PLA2R1: variants seen among roughly 807,000 people sequenced by gnomAD.
PLA2R1 encodes secretory phospholipase A2 receptor.
In PLA2R1, 158 loss-of-function variants were observed where a neutral mutation model predicts 195.9. That is an observed-to-expected ratio of 0.81 (90% confidence interval 0.71 to 0.92). PLA2R1 has a LOEUF of 0.92. Among genes scored for constraint, PLA2R1 ranks in the 40% least tolerant of loss-of-function variants. The pLI is 0.00. For missense variants in PLA2R1, 1,626 were observed against 1,764.6 expected, an observed-to-expected ratio of 0.92 and a Z score of 1.41; for synonymous variants, 586 against 598.2, an observed-to-expected ratio of 0.98 and a Z score of 0.30.
At chr2:160,032,738 T>C (rs569566463) in intron 4 of PLA2R1, among the ~76,000 whole-genome samples, 2 of 152,302 alleles carry the variant, frequency 1.3e-5, no homozygotes, top group East Asian at 3.9e-4. Context: ...GGCCTCAAAT[T>C]CTCTTCTCCA....
chr2:159,971,470 G>GCA (rs1370729561), intron 17 of PLA2R1, among the ~76,000 whole-genome samples: 10 of 127,806 alleles, frequency 7.8e-5, no homozygotes, highest in Non-Finnish European at 1.7e-4. Context: ...ACACGTGTGT[G>GCA]CGCGCACACA....
intron 7 of PLA2R1, among the ~76,000 whole-genome samples, chr2:160,021,853 T>A (rs17830558): frequency 6.6e-6 from 1 of 151,972 alleles, no homozygotes. Context: ...TGAAATGGAG[T>A]TGCTGCAAAA....
intron 17 of PLA2R1, among the ~76,000 whole-genome samples, chr2:159,973,334 C>A (rs1689313276): frequency 6.6e-6 from 1 of 152,022 alleles, no homozygotes; most frequent in African/African-American, 2.4e-5. Flanking sequence ...TTTCTTCTTT[C>A]TAATTTGATA....
intron 1 of PLA2R1, among the ~76,000 whole-genome samples, chr2:160,061,664 A>G (rs1695959378): frequency 1.3e-5 from 2 of 151,890 alleles, no homozygotes; most frequent in South Asian, 4.1e-4. Flanking sequence ...GGTCCCAGCT[A>G]CTCGGGAGGC....
chr2:159,953,550 T>A (rs912738004), intron 23 of PLA2R1, among the ~76,000 whole-genome samples: 5 of 152,240 alleles, frequency 3.3e-5, no homozygotes, highest in African/African-American at 1.2e-4. Context: ...TATTACCACA[T>A]TTTGCAGATG....
At chr2:159,962,326 A>G (rs986275269) in intron 20 of PLA2R1, among the ~76,000 whole-genome samples, 1 of 152,258 alleles carries the variant, frequency 6.6e-6, no homozygotes. Context: ...AATCAAACCC[A>G]CAATGAGATA....
intron 3 of PLA2R1, among the ~76,000 whole-genome samples, chr2:160,033,719 G>C (rs1271634081): frequency 6.6e-6 from 1 of 152,200 alleles, no homozygotes; most frequent in Non-Finnish European, 1.5e-5. Flanking sequence ...ATTGCATAGT[G>C]TGCTCAAAAG....
At chr2:160,007,197 T>C (rs1573879991) in intron 10 of PLA2R1, among the ~76,000 whole-genome samples, 1 of 152,234 alleles carries the variant, frequency 6.6e-6, no homozygotes, top group East Asian at 1.9e-4. Context: ...CATGCTGTTG[T>C]AATTTTCCTT....
At position 160,047,126 on chromosome 2, in the gene PLA2R1, C is replaced by T. The variant is rs922349485; in HGVS notation, c.110-1969G>A. On this transcript the variant is annotated intron_variant, in intron 1 of 29. Transcript: ENST00000283243. ...TATACACCTCAGATAGGTGTGTAGACGACCTGGCTAGTGGTTGAGAGCTCT... is the reference window on the plus strand; with the variant it reads ...TATACACCTCAGATAGGTGTGTAGATGACCTGGCTAGTGGTTGAGAGCTCT... 1.1e-4 allele frequency among the ~76,000 whole-genome samples: 17 copies of T among 152,092 alleles called. No homozygotes were observed. In the East Asian group the frequency reaches 2.1e-3, roughly 19 times the overall value.
At chr2:160,059,483 C>T (rs1268963661) in intron 1 of PLA2R1, among the ~76,000 whole-genome samples, 1 of 152,214 alleles carries the variant, frequency 6.6e-6, no homozygotes, top group East Asian at 1.9e-4. Flanking sequence ...CTCCATTTTA[C>T]AGATGAGGAA....
downstream of PLA2R1, among the ~76,000 whole-genome samples, chr2:159,928,326 C>T (rs145910417): frequency 9.5e-4 from 144 of 152,294 alleles, 2 homozygotes; most frequent in East Asian, 0.024. Flanking sequence ...TATGCACCTC[C>T]TACAGCAATG....
rs549900745 is a variant in PLA2R1, at chr2:159,965,300, T to G, written c.2904+2239A>C. 4.6e-5 allele frequency among the ~76,000 whole-genome samples: 7 copies of G among 152,286 alleles called. No homozygotes were observed. The South Asian group carries it at 1.4e-3, about 32-fold the overall frequency. On this transcript the variant is annotated intron_variant, in intron 20 of 29. Transcript: ENST00000283243. ...ACTGCCCTAAGAATCTTCCACAACT[T>G]CATCCTTCCCTCCCTGCAACACCTG...
At chr2:159,929,404 G>A (rs912690183), downstream of PLA2R1, among the ~76,000 whole-genome samples, 7 of 152,050 alleles carry the variant, frequency 4.6e-5, no homozygotes, top group Admixed American at 3.3e-4. Flanking sequence ...AAAAATGCTC[G>A]ACATCACTGA....
At chr2:160,049,362 A>G (rs1695080634) in intron 1 of PLA2R1, among the ~76,000 whole-genome samples, 1 of 152,218 alleles carries the variant, frequency 6.6e-6, no homozygotes, top group South Asian at 2.1e-4. Context: ...ATGACTGCAT[A>G]TGGAACATTC....
Position 160,062,432 on chromosome 2 carries a change from CT to C in PLA2R1, c.-30del. On this transcript the variant is annotated 5_prime_UTR_variant, in exon 1 of 30. Transcript: ENST00000283243. ...TAACCACTGGGCTCTCCGGGAGCCCCTTGTCCCGGGAGCCCCTTATCCCGGG... is the reference window on the plus strand; with the variant it reads ...TAACCACTGGGCTCTCCGGGAGCCCCTGTCCCGGGAGCCCCTTATCCCGGG... 1 of 1,522,332 alleles carries C rather than the reference CT, an allele frequency of 6.6e-7. No individual in the cohort carries two copies. Among genetic ancestry groups the C allele is most frequent in the South Asian group, 1.2e-5 (1 of 82,294 alleles). 94.3% of individuals were successfully genotyped at this position (1,522,332 alleles called of 1,614,324 possible).
chr2:159,984,312 A>G (rs1574733472), intron 12 of PLA2R1, among the ~76,000 whole-genome samples: 1 of 152,160 alleles, frequency 6.6e-6, no homozygotes, highest in Non-Finnish European at 1.5e-5. Flanking sequence ...AGTTTTATAA[A>G]TGAGCTTTTT....
intron 28 of PLA2R1, among the ~76,000 whole-genome samples, chr2:159,943,531 C>T (rs1274673905): frequency 6.6e-6 from 1 of 152,038 alleles, no homozygotes; most frequent in East Asian, 1.9e-4. Context: ...AAGCAGTGGG[C>T]GGCATGGAAA....
At chr2:160,035,658 T>C (rs1330901969) in intron 3 of PLA2R1, among the ~76,000 whole-genome samples, 1 of 152,194 alleles carries the variant, frequency 6.6e-6, no homozygotes, top group Non-Finnish European at 1.5e-5. Context: ...TCTCCTATTA[T>C]GTGATGAGAG....
intron 3 of PLA2R1, among the ~76,000 whole-genome samples, chr2:160,036,443 C>T (rs1573945532): frequency 6.6e-6 from 1 of 152,248 alleles, no homozygotes; most frequent in African/African-American, 2.4e-5. Context: ...AAGGCTTTAC[C>T]TGGTAGGCCT....
Sources: allele counts gnomAD v4.1 joint callset (sites outside exome capture counted in the v4.1 genomes callset), GRCh38; gene constraint gnomAD v4.1.1; transcripts MANE v1.5; gene names NCBI Gene and HGNC (gene_info 2026-07-23, HGNC 2026-07-21).